PDE4D: variants seen among roughly 807,000 people sequenced by gnomAD.
The protein encoded by PDE4D is phosphodiesterase 4D, also known as 3',5'-cyclic-AMP phosphodiesterase 4D.
In PDE4D, 24 loss-of-function variants were observed where a neutral mutation model predicts 87.4. That is an observed-to-expected ratio of 0.27 (90% CI 0.20 to 0.39). The LOEUF is 0.39. PDE4D is among the 10% of genes least tolerant of loss of function. PDE4D has a pLI of 1.00. For missense variants in PDE4D, 714 were observed against 1,041.0 expected (o/e 0.69, Z 4.32); for synonymous variants, 384 against 383.2 (o/e 1.00, Z -0.02).
At chr5:59,315,816 G>A (rs192118503) in intron 1 of PDE4D, among the ~76,000 whole-genome samples, 51 of 152,222 alleles carry the variant, frequency 3.4e-4, no homozygotes, top group African/African-American at 1.2e-3. Context: ...ACCAAATGGC[G>A]CATGCAGCCC....
intron 5 of PDE4D, among the ~76,000 whole-genome samples, chr5:59,114,013 C>A (rs576531327): frequency 6.6e-6 from 1 of 152,250 alleles, no homozygotes; most frequent in South Asian, 2.1e-4. Context: ...ATTATATACC[C>A]TTTTGGGGGT....
At chr5:59,668,791 A>AAG (rs1561440423) in intron 1 of PDE4D, among the ~76,000 whole-genome samples, 32 of 137,592 alleles carry the variant, frequency 2.3e-4, no homozygotes, top group African/African-American at 6.8e-4. Context: ...GAAGAAGAAG[A>AAG]AAGAAGAAGA....
intron 2 of PDE4D, chr5:60,160,716 TCTTA>T (rs1214760775): frequency 2.5e-6 from 1 of 397,960 alleles, no homozygotes; most frequent in African/African-American, 2.1e-5. Context: ...TTCTATGGAC[TCTTA>T]CTTTTAAGAA....
intron 5 of PDE4D, among the ~76,000 whole-genome samples, chr5:59,064,832 C>T (rs907598063): frequency 6.6e-6 from 1 of 152,058 alleles, no homozygotes; most frequent in African/African-American, 2.4e-5. Context: ...AATAGCCTGA[C>T]TTCCAAAAGT....
At chr5:60,075,245 ATCTTATTTCTTCTT>A (rs1424401848) in intron 2 of PDE4D, among the ~76,000 whole-genome samples, 2 of 152,144 alleles carry the variant, frequency 1.3e-5, no homozygotes, top group African/African-American at 4.8e-5. Context: ...TCTGAAAAGG[ATCTTATTTCTTCTT>A]TGCTTATGAC....
chr5:59,975,809 T>C (rs185957966), intron 3 of PDE4D, among the ~76,000 whole-genome samples: 1 of 152,346 alleles, frequency 6.6e-6, no homozygotes, highest in East Asian at 1.9e-4. Context: ...TCTACTTTAA[T>C]CTCATCCCTG....
chr5:59,109,283 T>C (rs567876058), intron 5 of PDE4D, among the ~76,000 whole-genome samples: 93 of 152,282 alleles, frequency 6.1e-4, no homozygotes, highest in African/African-American at 2.2e-3. Context: ...CACAGTTCCT[T>C]CTTTCATGGA....
chr5:59,852,791 ACAAT>A (rs748986484), intron 1 of PDE4D, among the ~76,000 whole-genome samples: 2 of 152,022 alleles, frequency 1.3e-5, no homozygotes, highest in Non-Finnish European at 2.9e-5. Context: ...GTTATAGTGG[ACAAT>A]CAGTTTGCAA....
intron 1 of PDE4D, among the ~76,000 whole-genome samples, chr5:60,310,493 T>C (rs6869344): frequency 0.06 from 9,180 of 152,168 alleles, 922 homozygotes; most frequent in African/African-American, 0.21. Flanking sequence ...TTCCAGTGGG[T>C]GTGTAGCAGA....
intron 1 of PDE4D, among the ~76,000 whole-genome samples, chr5:60,194,754 G>A (rs1203917177): frequency 1.3e-5 from 2 of 151,492 alleles, no homozygotes; most frequent in Non-Finnish European, 3.0e-5. Flanking sequence ...ACACTAAGAG[G>A]GGTCTACCAC....
At chr5:59,918,253 G>A (rs1754289400) in intron 3 of PDE4D, among the ~76,000 whole-genome samples, 1 of 151,926 alleles carries the variant, frequency 6.6e-6, no homozygotes, top group Non-Finnish European at 1.5e-5. Context: ...GTATATGTGT[G>A]TGTATTTTTT....
chr5:59,065,698 G>A (rs114027888), intron 5 of PDE4D, among the ~76,000 whole-genome samples: 2,205 of 152,198 alleles, frequency 0.014, 23 homozygotes, highest in Non-Finnish European at 0.017. Context: ...CAATAAAATA[G>A]TCAAGGAGTA....
chr5:59,306,622 G>T (rs982804045), intron 1 of PDE4D, among the ~76,000 whole-genome samples: 1 of 151,946 alleles, frequency 6.6e-6, no homozygotes, highest in Non-Finnish European at 1.5e-5. Context: ...GCTTCAAAGA[G>T]AATAAAATAC....
At chr5:59,406,116 T>C (rs1791562441) in intron 1 of PDE4D, among the ~76,000 whole-genome samples, 2 of 152,160 alleles carry the variant, frequency 1.3e-5, no homozygotes, top group South Asian at 4.1e-4. Context: ...TATTACTTCT[T>C]TAAATGTTTG....
chr5:59,036,190 A>G (rs188653000), intron 6 of PDE4D, among the ~76,000 whole-genome samples: 1 of 152,302 alleles, frequency 6.6e-6, no homozygotes, highest in African/African-American at 2.4e-5. Flanking sequence ...ACCTAAATCC[A>G]TCTCCATAAT....
At chr5:59,715,950 G>A (rs890218042) in intron 1 of PDE4D, among the ~76,000 whole-genome samples, 6 of 152,158 alleles carry the variant, frequency 3.9e-5, no homozygotes, top group African/African-American at 1.2e-4. Context: ...CTTCAGCCTA[G>A]GGAGTAGAAT....
chr5:59,302,415 G>A (rs115869287), intron 1 of PDE4D, among the ~76,000 whole-genome samples: 53 of 151,992 alleles, frequency 3.5e-4, no homozygotes, highest in African/African-American at 1.3e-3. Flanking sequence ...GGTACAGGTG[G>A]TATATTTAGT....
chr5:59,444,268 C>T (rs1458053345), intron 1 of PDE4D, among the ~76,000 whole-genome samples: 1 of 152,012 alleles, frequency 6.6e-6, no homozygotes, highest in African/African-American at 2.4e-5. Context: ...TTGGGCCTTG[C>T]TCATAGATAT....
At chr5:59,075,075 AAC>A (rs70973189) in intron 5 of PDE4D, among the ~76,000 whole-genome samples, 23,979 of 129,462 alleles carry the variant, frequency 0.19, 2,120 homozygotes, top group Admixed American at 0.22. Flanking sequence ...AAGCTTACAA[AAC>A]ACACACACAC....
Sources: allele counts gnomAD v4.1 joint callset (sites outside exome capture counted in the v4.1 genomes callset), GRCh38; gene constraint gnomAD v4.1.1; transcripts MANE v1.5; gene names NCBI Gene and HGNC (gene_info 2026-07-23, HGNC 2026-07-21).